HVCN1: variants seen among roughly 807,000 people sequenced by gnomAD.
HVCN1 encodes voltage-gated hydrogen channel 1.
HVCN1 carries 14 observed loss-of-function variants against 29.2 expected under a neutral mutation model. The observed-to-expected ratio is 0.48, with a 90% confidence interval of 0.32 to 0.75. HVCN1 has a LOEUF of 0.75. Ranked by LOEUF, HVCN1 falls within the 30% of genes least tolerant of loss-of-function variation. HVCN1 has a pLI of 0.04. For missense variants in HVCN1, 263 were observed against 341.8 expected (o/e 0.77, Z 1.82); for synonymous variants, 131 against 133.2 (o/e 0.98, Z 0.11).
intron 3 of HVCN1, 100 bp downstream of exon 3, chr12:110,683,125 T>G (rs971361095): frequency 2.7e-6 from 4 of 1,473,164 alleles, no homozygotes; most frequent in Non-Finnish European, 3.8e-6. Context: ...TGGAAACACC[T>G]GAACAGGGAG....
At position 110,669,530 on chromosome 12, in the gene HVCN1, ACCACGCTCTCTTGCTT is replaced by A. The variant is rs539165725; in HGVS notation, c.22-8098_22-8083del. ...CATGGAACTTGCAGTTCTAGAGCGG[ACCACGCTCTCTTGCTT>A]CCAGGACTCCGCATGGCCTGTCCCC... On this transcript the variant is annotated intron_variant, in intron 3 of 7. Transcript: ENST00000242607. 1.6e-3 allele frequency among the ~76,000 whole-genome samples: 238 copies of A among 152,178 alleles called. 2 individuals are homozygous for A. The highest frequency in any genetic ancestry group is 2.2e-3 in the Non-Finnish European group (149 of 67,986).
At chr12:110,667,632 A>G (rs2068417563) in intron 3 of HVCN1, among the ~76,000 whole-genome samples, 2 of 151,628 alleles carry the variant, frequency 1.3e-5, no homozygotes, top group Non-Finnish European at 2.9e-5. Context: ...GGGTTTTGCT[A>G]TGTTGCCCAG....
At chr12:110,682,040 T>G (rs550272845) in intron 3 of HVCN1, among the ~76,000 whole-genome samples, 57 of 152,118 alleles carry the variant, frequency 3.7e-4, no homozygotes, top group Non-Finnish European at 7.1e-4. Context: ...CAGGATGGAG[T>G]GCAATGGTGC....
chr12:110,678,910 A>G (rs1204882367), intron 3 of HVCN1, among the ~76,000 whole-genome samples: 1 of 152,240 alleles, frequency 6.6e-6, no homozygotes, highest in Non-Finnish European at 1.5e-5. Context: ...GACTTCAGTC[A>G]TGTCAACCAG....
intron 2 of HVCN1, among the ~76,000 whole-genome samples, chr12:110,685,920 G>C (rs2069164269): frequency 6.6e-6 from 1 of 152,078 alleles, no homozygotes; most frequent in Non-Finnish European, 1.5e-5. Context: ...GAGTTCAAGT[G>C]ATCCTCCTGC....
chr12:110,676,557 A>T lies in HVCN1; in HGVS notation c.21+6668T>A, dbSNP rs2068757222. 6.6e-6 allele frequency among the ~76,000 whole-genome samples: 1 copy of T among 152,186 alleles called. No individual in the cohort carries two copies. The highest frequency in any genetic ancestry group is 2.4e-5 in the African/African-American group (1 of 41,436). On this transcript the variant is annotated intron_variant, in intron 3 of 7. Coordinates refer to ENST00000242607, the MANE Select transcript of HVCN1 (RefSeq NM_032369.4). This position sits in a 1 kb window ranked among gnomAD's most constrained non-coding sequence, Gnocchi z 4.1. ...CATTTGGAGAGTATGGAATTTTTCT[A>T]AGTGCCAGGCAGAGGGTACCTCTGT...
At chr12:110,654,205 T>C (rs945843673) in intron 5 of HVCN1, among the ~76,000 whole-genome samples, 7 of 151,824 alleles carry the variant, frequency 4.6e-5, no homozygotes, top group Non-Finnish European at 7.4e-5. Context: ...GAGGCAGAGG[T>C]GGGTGGATCA....
Position 110,658,957 on chromosome 12 carries a change from A to G in HVCN1, c.306+2207T>C, listed in dbSNP as rs55882241. ...CCCTAAGCCCAGGCAGGAGGGGGAT[A>G]TCCTGATGGGGCGGCCCAGGGCTCC... On this transcript the variant is annotated intron_variant, in intron 4 of 7. Transcript: ENST00000242607. This position sits in a 1 kb window ranked among gnomAD's most constrained non-coding sequence, Gnocchi z 5.0. Among the ~76,000 whole-genome samples, 1,560 of 152,332 alleles carry G rather than the reference A, an allele frequency of 0.01. 15 individuals carry two copies. Among genetic ancestry groups the G allele is most frequent in the South Asian group, 0.034 (162 of 4,832 alleles).
chr12:110,661,395 T>C lies in HVCN1; in HGVS notation c.75A>G (p.Leu25=), dbSNP rs1341121205. The change falls in exon 4 of 8, where the codon TTA becomes TTG. Residue 25 remains leucine, a synonymous_variant. Coordinates refer to ENST00000242607, the MANE Select transcript of HVCN1 (RefSeq NM_032369.4). This position sits in a 1 kb window ranked among gnomAD's most constrained non-coding sequence, Gnocchi z 6.2. The stretch of plus-strand genomic sequence containing the variant: ...CGTCTCCCACGACCGTGAAGTGCCT[T>C]AAGAACTTGCTCATCCTCTCAGCGG... The part of the protein sequence containing the change: ...VAPAERMSKF[L]RHFTVVGDDY... 2 of 1,614,164 alleles carry C rather than the reference T, an allele frequency of 1.2e-6. No individual in the cohort carries two copies.
At position 110,651,080 on chromosome 12, in the gene HVCN1, G is replaced by A; in HGVS notation, c.643+137C>T. On this transcript the variant is annotated intron_variant, in intron 6 of 7. Transcript: ENST00000242607. The stretch of plus-strand genomic sequence containing the variant: ...AAGAGGAAGAAGGGAGGAGAGGGAG[G>A]TGAGGGGGCAGAGGGGAGGCCTCCA... 3 of 635,702 alleles carry A rather than the reference G, an allele frequency of 4.7e-6. No homozygotes were observed. The South Asian group carries it at 5.7e-5, about 12-fold the overall frequency. 39.4% of individuals were successfully genotyped at this position (635,702 alleles called of 1,614,324 possible).
intron 4 of HVCN1, among the ~76,000 whole-genome samples, chr12:110,656,094 C>T (rs1000603988): frequency 6.6e-6 from 1 of 152,206 alleles, no homozygotes; most frequent in African/African-American, 2.4e-5. Flanking sequence ...AGCCCTGCCT[C>T]GGCAGTCCGA....
At chr12:110,701,636 C>T (rs56989228) in intron 2 of HVCN1, among the ~76,000 whole-genome samples, 22,160 of 152,064 alleles carry the variant, frequency 0.15, 2,234 homozygotes, top group African/African-American at 0.29. Flanking sequence ...GTAGGCAGAT[C>T]ACTTGGGGTC....
chr12:110,649,526 A>G, intron 7 of HVCN1, 51 bp from the exon 8 acceptor site: 1 of 1,367,140 alleles, frequency 7.3e-7, no homozygotes, highest in South Asian at 1.2e-5. Context: ...CTCGCCAGGG[A>G]TGTGACAATC....
upstream of HVCN1, among the ~76,000 whole-genome samples, chr12:110,692,680 C>T (rs530481311): frequency 1.3e-5 from 2 of 152,202 alleles, no homozygotes; most frequent in South Asian, 2.1e-4. Context: ...GCTACGATTG[C>T]ACCACAGCAC....
intron 2 of HVCN1, chr12:110,688,422 T>TCTC (rs2069281925): frequency 6.6e-6 from 1 of 152,386 alleles, no homozygotes; most frequent in African/African-American, 2.4e-5. Flanking sequence ...AGCATCTCTG[T>TCTC]CTCCAACAGG....
chr12:110,695,734 C>A (rs535751253), intron 2 of HVCN1, among the ~76,000 whole-genome samples: 1 of 152,292 alleles, frequency 6.6e-6, no homozygotes, highest in Non-Finnish European at 1.5e-5. Context: ...GAGGGACAAC[C>A]TTTTCAGAAG....
At chr12:110,690,666 C>T (rs1390491075), upstream of HVCN1, among the ~76,000 whole-genome samples, 5 of 151,940 alleles carry the variant, frequency 3.3e-5, no homozygotes, top group South Asian at 2.1e-4. Context: ...TTAGTAGAGA[C>T]GGGGTTTTAC....
intron 3 of HVCN1, among the ~76,000 whole-genome samples, chr12:110,674,132 A>G (rs187270281): frequency 1.3e-5 from 2 of 152,376 alleles, no homozygotes; most frequent in Admixed American, 1.3e-4. Flanking sequence ...TACCTCTTGC[A>G]TCAGCCTGAC....
intron 4 of HVCN1, among the ~76,000 whole-genome samples, 165 bp from the exon 5 acceptor site, chr12:110,655,503 G>A (rs1566030083): frequency 6.6e-6 from 1 of 152,192 alleles, no homozygotes; most frequent in East Asian, 1.9e-4. Context: ...CCAGGATGGA[G>A]GCTGTGCAGG....
Sources: gnomAD v4.1 joint callset for allele counts (sites outside exome capture counted in the v4.1 genomes callset) on GRCh38, gnomAD v4.1.1 for gene constraint, Gnocchi (gnomAD v3.1) non-coding constraint, MANE v1.5 for transcripts, NCBI Gene and HGNC (gene_info 2026-07-23, HGNC 2026-07-21) for gene names.